ANXA11: variants seen among roughly 807,000 people sequenced by gnomAD.
ANXA11 encodes 56 kDa autoantigen.
A neutral mutation model predicts 64.7 loss-of-function variants in ANXA11; 57 were observed. The observed-to-expected ratio is 0.88, with a 90% CI of 0.71 to 1.10. The LOEUF (loss-of-function observed/expected upper bound fraction) is 1.10. Among genes scored for constraint, ANXA11 ranks in the 50% least tolerant of loss-of-function variants. The pLI is 0.00. For missense variants in ANXA11, 675 were observed against 670.7 expected (o/e 1.01, Z -0.07); for synonymous variants, 260 against 265.2 (o/e 0.98, Z 0.19).
intron 3 of ANXA11, chr10:80,171,520 G>T (rs1487648273): frequency 2.7e-6 from 2 of 727,780 alleles, no homozygotes; most frequent in Non-Finnish European, 3.4e-6. Flanking sequence ...CTGGGGCAAG[G>T]CTTTCACCCT....
At chr10:80,177,837 G>A (rs902639348) in intron 1 of ANXA11, among the ~76,000 whole-genome samples, 1 of 152,090 alleles carries the variant, frequency 6.6e-6, no homozygotes, top group Non-Finnish European at 1.5e-5. Flanking sequence ...CAATAGCCAG[G>A]GGTGACCTTC....
At chr10:80,200,923 A>T (rs1196948285) in intron 1 of ANXA11, among the ~76,000 whole-genome samples, 1 of 152,168 alleles carries the variant, frequency 6.6e-6, no homozygotes, top group African/African-American at 2.4e-5. Flanking sequence ...CCTTGCAGGT[A>T]CCTAGGTCTG....
At chr10:80,179,770 C>T (rs1294678529) in intron 1 of ANXA11, among the ~76,000 whole-genome samples, 1 of 152,184 alleles carries the variant, frequency 6.6e-6, no homozygotes, top group Non-Finnish European at 1.5e-5. Flanking sequence ...AAGGAGGATG[C>T]TAAATTAAAA....
intron 2 of ANXA11, among the ~76,000 whole-genome samples, chr10:80,174,853 A>T (rs1367683040): frequency 1.3e-5 from 2 of 152,200 alleles, no homozygotes; most frequent in African/African-American, 2.4e-5. Flanking sequence ...CACTGTGCCC[A>T]GCCTACATGC....
chr10:80,189,714 A>G (rs12415870), intron 1 of ANXA11, among the ~76,000 whole-genome samples: 10,970 of 152,300 alleles, frequency 0.072, 583 homozygotes, highest in South Asian at 0.2. Flanking sequence ...GTCATGTTGG[A>G]GCTCACAAAG....
In ANXA11 at chr10:80,161,953, G is replaced by A. The variant is rs539605721; in HGVS notation, c.1162C>T (p.Arg388Trp). The A allele has an allele frequency of 2.7e-5, 44 of 1,611,860 alleles. No individual in the cohort carries two copies. Among genetic ancestry groups the A allele is most frequent in the African/African-American group, 9.3e-5 (7 of 74,904 alleles). Residue 388 changes from arginine to tryptophan, a missense_variant, in exon 12 of 16, where the codon CGG (arginine) becomes TGG (tryptophan). Coordinates refer to ENST00000422982, the MANE Select transcript of ANXA11 (RefSeq NM_145868.2). The part of the protein sequence containing the change: ...KFNAVLCSRS[R>W]AHLVAVFNEY... Reference sequence around the variant, plus strand: ...GCCTTACCTGCTACCAGGTGGGCCCGGCTCCGGGAGCACAGAACCGCATTG... The same window carrying A: ...GCCTTACCTGCTACCAGGTGGGCCCAGCTCCGGGAGCACAGAACCGCATTG...
chr10:80,201,887 C>A (rs1398222712), intron 1 of ANXA11, among the ~76,000 whole-genome samples: 2 of 152,160 alleles, frequency 1.3e-5, no homozygotes, highest in African/African-American at 2.4e-5. Flanking sequence ...CTCAGATTTC[C>A]CCCATCTCAT....
rs1212650713 is a variant in ANXA11, at chr10:80,161,915, G to C, written c.1180+20C>G. The stretch of plus-strand genomic sequence containing the variant: ...CTGCCCTCATCTAACTGGCCTCTGA[G>C]GGACCCCAGCCTGCCTTACCTGCTA... On this transcript the variant is annotated intron_variant, in intron 12 of 15. Coordinates refer to ENST00000422982, the MANE Select transcript of ANXA11 (RefSeq NM_145868.2). The C allele has an allele frequency of 6.2e-7, 1 of 1,605,088 alleles. No individual in the cohort carries two copies. The highest frequency in any genetic ancestry group is 1.3e-5 in the African/African-American group (1 of 74,924).
chr10:80,166,287 C>A, intron 7 of ANXA11, 90 bp from the exon 8 acceptor site: 1 of 743,728 alleles, frequency 1.3e-6, no homozygotes, highest in Non-Finnish European at 2.2e-6. Flanking sequence ...AGCCATATCC[C>A]AGATTTGAGG....
chr10:80,175,074 G>A lies in ANXA11; in HGVS notation c.-9+1033C>T, dbSNP rs540041997. ...TCCTTGCAGTTTTCGGTCTCTCTGAGCCCCTAAGCACGTGGTGGATGAGGT... is the reference window on the plus strand; with the variant it reads ...TCCTTGCAGTTTTCGGTCTCTCTGAACCCCTAAGCACGTGGTGGATGAGGT... On this transcript the variant is annotated intron_variant, in intron 2 of 15. Transcript: ENST00000422982. Among the ~76,000 whole-genome samples, 14 of 152,308 alleles carry A rather than the reference G, an allele frequency of 9.2e-5. No homozygotes were observed. In the South Asian group the frequency reaches 2.7e-3, roughly 29 times the overall value.
chr10:80,190,484 ATT>A (rs34704342), intron 1 of ANXA11, among the ~76,000 whole-genome samples: 4 of 127,490 alleles, frequency 3.1e-5, no homozygotes, highest in African/African-American at 6.1e-5. Flanking sequence ...TTTACAATAA[ATT>A]TTTTTTTTTT....
intron 1 of ANXA11, among the ~76,000 whole-genome samples, 157 bp downstream of exon 1, chr10:80,205,186 C>T (rs913167773): frequency 1.3e-5 from 2 of 152,024 alleles, no homozygotes; most frequent in African/African-American, 4.8e-5. Context: ...CGCCGACGCC[C>T]TCCCCTGCCC....
rs533007794 is a variant in ANXA11 at position 80,190,337 on chromosome 10, C to T, written c.-57-14182G>A. On this transcript the variant is annotated intron_variant, in intron 1 of 15. Transcript: ENST00000422982. ...GCCACAAGTTTGTGGTAATTTGTTA[C>T]AGCAGTAATTGAAAACTAATTATTG... Among the ~76,000 whole-genome samples the T allele has an allele frequency of 2.0e-4, 31 of 152,312 alleles. 1 individual carries two copies. The South Asian group carries it at 6.4e-3, about 32-fold the overall frequency.
chr10:80,195,666 C>G (rs1289742700), intron 1 of ANXA11: 1 of 156,608 alleles, frequency 6.4e-6, no homozygotes, highest in Non-Finnish European at 1.4e-5. Context: ...TCCATTTTCA[C>G]ACTGCTGATA....
intron 1 of ANXA11, among the ~76,000 whole-genome samples, chr10:80,198,115 G>A (rs1840255846): frequency 6.6e-6 from 1 of 152,232 alleles, no homozygotes; most frequent in Admixed American, 6.5e-5. Flanking sequence ...CCAGCCCACA[G>A]GAACAGAAGC....
At chr10:80,196,246 G>T (rs1589452900) in intron 1 of ANXA11, among the ~76,000 whole-genome samples, 1 of 152,264 alleles carries the variant, frequency 6.6e-6, no homozygotes, top group East Asian at 1.9e-4. Context: ...ACATGCAAAG[G>T]TCACACACCC....
At chr10:80,182,195 G>A (rs1244346788) in intron 1 of ANXA11, among the ~76,000 whole-genome samples, 1 of 148,078 alleles carries the variant, frequency 6.8e-6, no homozygotes, top group African/African-American at 2.5e-5. Flanking sequence ...TGTGGTGGGA[G>A]TGCTAATGGC....
chr10:80,152,360 C>A lies in ANXA11; in HGVS notation c.*3493G>T, dbSNP rs543446545. On this transcript the variant is annotated 3_prime_UTR_variant, in exon 16 of 16. Coordinates refer to ENST00000422982, the MANE Select transcript of ANXA11 (RefSeq NM_145868.2). ...CCTTGGAAGGCAGTAGGTGCCTTTG[C>A]CTCTGGGAAGATCATGAGGCATTCA... 120 of 152,370 alleles carry A rather than the reference C, an allele frequency of 7.9e-4. No individual in the cohort carries two copies. The highest frequency in any genetic ancestry group is 2.8e-3 in the African/African-American group (117 of 41,586). 9.4% of individuals were successfully genotyped at this position (152,370 alleles called of 1,614,324 possible). A position where few individuals can be genotyped will look rare whatever the true frequency, so the allele number is the denominator to read the frequency against.
intron 2 of ANXA11, among the ~76,000 whole-genome samples, chr10:80,175,272 C>A (rs923047553): frequency 1.9e-4 from 29 of 152,168 alleles, no homozygotes; most frequent in African/African-American, 7.0e-4. Flanking sequence ...AGGCCAGGAA[C>A]CTTCTAATAG....
Sources: gnomAD v4.1 joint callset for allele counts (sites outside exome capture counted in the v4.1 genomes callset) on GRCh38, gnomAD v4.1.1 for gene constraint, MANE v1.5 for transcripts, NCBI Gene and HGNC (gene_info 2026-07-23, HGNC 2026-07-21) for gene names.